Variants in DSE observed in about 807,000 individuals in gnomAD.
DSE encodes the protein dermatan sulfate epimerase.
A neutral mutation model predicts 84.4 loss-of-function variants in DSE; 36 were observed. That is an observed-to-expected ratio of 0.43 (90% confidence interval 0.33 to 0.56). The LOEUF (loss-of-function observed/expected upper bound fraction) is 0.56, where lower values mean the gene tolerates loss of function less well. Ranked by LOEUF, DSE falls within the 20% of genes least tolerant of loss-of-function variation. The pLI is 0.06. For missense variants in DSE, 862 were observed against 1,169.6 expected, an observed-to-expected ratio of 0.74 and a Z score of 3.84; for synonymous variants, 410 against 430.1, an observed-to-expected ratio of 0.95 and a Z score of 0.58.
At chr6:116,332,394 A>G (rs201341039) in intron 2 of DSE, among the ~76,000 whole-genome samples, 2 of 138,628 alleles carry the variant, frequency 1.4e-5, no homozygotes, top group East Asian at 4.5e-4. Flanking sequence ...GTGTGTGTGT[A>G]AGAGAGACAC....
chr6:116,429,633 G>GT (rs1294052179), intron 3 of DSE, among the ~76,000 whole-genome samples: 4 of 152,162 alleles, frequency 2.6e-5, no homozygotes, highest in African/African-American at 7.2e-5. Flanking sequence ...TCAGTGCTGT[G>GT]TAAGTTATAA....
chr6:116,386,929 G>A (rs1426751215), intron 1 of DSE, among the ~76,000 whole-genome samples: 2 of 152,192 alleles, frequency 1.3e-5, no homozygotes, highest in Non-Finnish European at 2.9e-5. Flanking sequence ...TACTATTAGA[G>A]AGTAAACTTA....
intron 1 of DSE, among the ~76,000 whole-genome samples, chr6:116,257,934 A>G (rs1244631115): frequency 6.6e-6 from 1 of 152,212 alleles, no homozygotes; most frequent in Non-Finnish European, 1.5e-5. Flanking sequence ...GAAGTGCCCA[A>G]TTACTAAAGA....
At chr6:116,299,634 G>T (rs1774918199) in intron 2 of DSE, among the ~76,000 whole-genome samples, 1 of 147,658 alleles carries the variant, frequency 6.8e-6, no homozygotes, top group South Asian at 2.1e-4. Context: ...GTAGGTATAG[G>T]TATAGATAAA....
chr6:116,426,879 G>A, intron 3 of DSE, 52 bp downstream of exon 3: 1 of 1,563,978 alleles, frequency 6.4e-7, no homozygotes, highest in Non-Finnish European at 8.7e-7. Context: ...AGTCATAGTT[G>A]CCATGTTGTG....
intron 2 of DSE, among the ~76,000 whole-genome samples, chr6:116,411,236 A>G (rs1782333586): frequency 6.6e-6 from 1 of 152,148 alleles, no homozygotes; most frequent in Non-Finnish European, 1.5e-5. Flanking sequence ...TTCAGGTACA[A>G]TATATATCCT....
chr6:116,299,498 TTATTTTTATA>T (rs1287495139), intron 2 of DSE, among the ~76,000 whole-genome samples: 1 of 22,666 alleles, frequency 4.4e-5, no homozygotes, highest in Non-Finnish European at 1.9e-4. Context: ...GCTTCTTGAA[TTATTTTTATA>T]TATATATATA....
chr6:116,420,207 G>C (rs1296307671), intron 2 of DSE, among the ~76,000 whole-genome samples: 1 of 152,106 alleles, frequency 6.6e-6, no homozygotes, highest in Non-Finnish European at 1.5e-5. Flanking sequence ...TATTGTAAGT[G>C]TTTATTTTAG....
intron 2 of DSE, among the ~76,000 whole-genome samples, chr6:116,402,145 T>C (rs1781637171): frequency 6.6e-6 from 1 of 152,204 alleles, no homozygotes; most frequent in African/African-American, 2.4e-5. Context: ...TTTATAATTT[T>C]TACCTATGGC....
At chr6:116,336,647 C>T (rs1276879730) in intron 2 of DSE, among the ~76,000 whole-genome samples, 1 of 150,894 alleles carries the variant, frequency 6.6e-6, no homozygotes, top group South Asian at 2.1e-4. Context: ...CCCAGCTACT[C>T]GGGAGGCTGA....
At chr6:116,257,644 G>T (rs1430923308) in intron 1 of DSE, among the ~76,000 whole-genome samples, 2 of 152,154 alleles carry the variant, frequency 1.3e-5, no homozygotes, top group Non-Finnish European at 2.9e-5. Flanking sequence ...CTGATTCTTA[G>T]ACTGTAGTTT....
chr6:116,299,313 G>A (rs11153607), intron 2 of DSE, among the ~76,000 whole-genome samples: 37,487 of 151,542 alleles, frequency 0.25, 5,652 homozygotes, highest in East Asian at 0.64. Flanking sequence ...TGGGAAAAAA[G>A]AGAGGACTGA....
chr6:116,391,311 T>C (rs147030738), intron 1 of DSE, among the ~76,000 whole-genome samples: 1 of 152,312 alleles, frequency 6.6e-6, no homozygotes, highest in Non-Finnish European at 1.5e-5. Flanking sequence ...AACACCGTTA[T>C]TATACATGGT....
intron 2 of DSE, among the ~76,000 whole-genome samples, chr6:116,291,823 T>C (rs1311927644): frequency 6.6e-6 from 1 of 152,170 alleles, no homozygotes; most frequent in Non-Finnish European, 1.5e-5. Context: ...ATATGTCAGA[T>C]AAATTGTAGA....
chr6:116,375,571 A>G lies in DSE; in HGVS notation c.-54+4450A>G, dbSNP rs371262470. On this transcript the variant is annotated intron_variant, in intron 1 of 5. Transcript: ENST00000644252. ...TTCTATCATCTCACTTTAGTGTTTC[A>G]CAACTTCTAGTTATGTATAGAAGAG... 18 of 984,070 alleles carry G rather than the reference A, an allele frequency of 1.8e-5. No homozygotes were observed. In the African/African-American group the frequency reaches 3.1e-4, roughly 17 times the overall value. 61.0% of individuals were successfully genotyped at this position (984,070 alleles called of 1,614,324 possible). A position where few individuals can be genotyped will look rare whatever the true frequency, so the allele number is the denominator to read the frequency against.
chr6:116,308,975 T>C (rs142559344), intron 2 of DSE, among the ~76,000 whole-genome samples: 1 of 152,342 alleles, frequency 6.6e-6, no homozygotes, highest in East Asian at 1.9e-4. Context: ...ATAATAGATA[T>C]TCTAATAAAT....
intron 2 of DSE, among the ~76,000 whole-genome samples, chr6:116,308,349 G>A (rs147459692): frequency 5.9e-5 from 9 of 152,230 alleles, no homozygotes; most frequent in East Asian, 3.9e-4. Flanking sequence ...TGTAAATCTC[G>A]TAAATGTATA....
At chr6:116,338,588 A>G (rs1777406776) in intron 2 of DSE, among the ~76,000 whole-genome samples, 1 of 152,120 alleles carries the variant, frequency 6.6e-6, no homozygotes, top group Non-Finnish European at 1.5e-5. Flanking sequence ...AGTTCATTAT[A>G]ATTCACAGAC....
intron 2 of DSE, among the ~76,000 whole-genome samples, chr6:116,274,529 G>A (rs75217711): frequency 0.043 from 6,500 of 151,354 alleles, 219 homozygotes; most frequent in African/African-American, 0.091. Flanking sequence ...GCCATGAGCC[G>A]AGATGGTGCC....
Sources: allele counts gnomAD v4.1 joint callset (sites outside exome capture counted in the v4.1 genomes callset), GRCh38; gene constraint gnomAD v4.1.1; transcripts MANE v1.5; gene names NCBI Gene and HGNC (gene_info 2026-07-23, HGNC 2026-07-21).